Variants in FBXL18 observed in about 807,000 individuals in gnomAD.
FBXL18 encodes the protein F-box and leucine rich repeat protein 18.
FBXL18 carries 36 observed loss-of-function variants against 46.0 expected under a neutral mutation model. The observed-to-expected ratio is 0.78, with a 90% confidence interval of 0.60 to 1.03. FBXL18 has a LOEUF of 1.03. FBXL18 is among the 50% of genes least tolerant of loss of function. The pLI is 0.00. For missense variants in FBXL18, 977 were observed against 1,004.1 expected (o/e 0.97, Z 0.36); for synonymous variants, 557 against 465.3 (o/e 1.20, Z -2.54).
intron 1 of FBXL18, among the ~76,000 whole-genome samples, chr7:5,509,524 G>A (rs1784475683): frequency 6.6e-6 from 1 of 151,472 alleles, no homozygotes; most frequent in African/African-American, 2.4e-5. Context: ...GAAACCCCAT[G>A]TCTACTAAAA....
chr7:5,503,210 A>G (rs897967876), intron 2 of FBXL18, among the ~76,000 whole-genome samples: 2 of 152,198 alleles, frequency 1.3e-5, no homozygotes, highest in African/African-American at 2.4e-5. Context: ...GCGAGACCCC[A>G]TATCTACCAA....
chr7:5,513,667 C>T lies in FBXL18; in HGVS notation c.8G>A (p.Ser3Asn), dbSNP rs1326563317. 6.2e-7 allele frequency: 1 copy of T among 1,609,806 alleles called. No individual in the cohort carries two copies. Among genetic ancestry groups the T allele is most frequent in the South Asian group, 1.1e-5 (1 of 90,506 alleles). The change falls in exon 1 of 5, where the codon AGC becomes AAC. Residue 3 changes from serine (S) to asparagine (N), a missense_variant. Physicochemically the swap from Ser to Asn is conservative, Grantham distance 46. Coordinates refer to ENST00000382368, the MANE Select transcript of FBXL18 (RefSeq NM_024963.6). Reference protein sequence around the residue: MASSGEDISNDDD... With the variant: MANSGEDISNDDD... ...AGTCGCGGACAGTACCTCTCCGGAG[C>T]TGGCCATGTCGCCGGCGGGTCCGAA... is the stretch of plus-strand genomic sequence containing the variant.
rs1562672288 is a variant in FBXL18, at chr7:5,463,728, A to ATTTATTTT, written c.2001-15886_2001-15885insAAAATAAA. ...TATTTATTTATTTATTTATTTATTT[A>ATTTATTTT]TTTTTTTTTTTTTTTTTTTTTTTTT... On this transcript the variant is annotated intron_variant and NMD_transcript_variant, in intron 4 of 6. Transcript: ENST00000415009. 3.3e-3 allele frequency among the ~76,000 whole-genome samples: 177 copies of ATTTATTTT among 52,988 alleles called. 1 individual carries two copies. Among genetic ancestry groups the ATTTATTTT allele is most frequent in the Non-Finnish European group, 4.3e-3 (129 of 30,036 alleles). The allele number at this position is 52,988 out of a possible 152,430, so 34.8% of individuals were successfully genotyped here.
intron 4 of FBXL18, among the ~76,000 whole-genome samples, chr7:5,485,232 T>C (rs1188545964): frequency 6.6e-6 from 1 of 152,110 alleles, no homozygotes; most frequent in Non-Finnish European, 1.5e-5. Flanking sequence ...GGTGCCACTC[T>C]AGAGTAGTGT....
chr7:5,458,640 TGAGCCAA>T (rs1210402753), intron 4 of FBXL18, among the ~76,000 whole-genome samples: 4 of 151,056 alleles, frequency 2.6e-5, no homozygotes, highest in Non-Finnish European at 5.9e-5. Context: ...GAGGTTGCAG[TGAGCCAA>T]GATTGCGCCA....
intron 4 of FBXL18, among the ~76,000 whole-genome samples, chr7:5,485,780 G>T (rs898851652): frequency 6.6e-6 from 1 of 152,016 alleles, no homozygotes; most frequent in Non-Finnish European, 1.5e-5. Context: ...GGCCGGGCGC[G>T]GTGGCTCAAG....
intron 4 of FBXL18, among the ~76,000 whole-genome samples, chr7:5,460,800 C>T (rs542088743): frequency 3.9e-5 from 6 of 152,314 alleles, no homozygotes; most frequent in African/African-American, 1.4e-4. Context: ...CCCGGGCCTC[C>T]ATCCCAAGCC....
chr7:5,513,722 C>T lies in FBXL18; in HGVS notation c.-48G>A, dbSNP rs1194439055. 6.3e-7 allele frequency: 1 copy of T among 1,586,166 alleles called. No homozygotes were observed. Among genetic ancestry groups the T allele is most frequent in the Non-Finnish European group, 8.6e-7 (1 of 1,166,894 alleles). The stretch of plus-strand genomic sequence containing the variant: ...GGCCGCGGGATCCGCAACCCCGTGC[C>T]TCCCACCTGCCCGGCTAGGGATGCT... On this transcript the variant is annotated 5_prime_UTR_variant, in exon 1 of 5. Coordinates refer to ENST00000382368, the MANE Select transcript of FBXL18 (RefSeq NM_024963.6).
chr7:5,500,038 T>G (rs4075746), intron 3 of FBXL18, among the ~76,000 whole-genome samples: 140,191 of 151,234 alleles, frequency 0.93, 65,079 homozygotes, highest in African/African-American at 0.97. Context: ...GCACTCCAGC[T>G]TGGATGACAG....
At chr7:5,464,644 A>C (rs6463482) in intron 4 of FBXL18, among the ~76,000 whole-genome samples, 112,255 of 120,440 alleles carry the variant, frequency 0.93, 52,432 homozygotes, top group African/African-American at 0.98. Context: ...GCCTGGGCCA[A>C]TGAGCAAAAC....
intron 2 of FBXL18, among the ~76,000 whole-genome samples, chr7:5,502,930 A>C (rs1784304003): frequency 6.6e-6 from 1 of 152,152 alleles, no homozygotes; most frequent in African/African-American, 2.4e-5. Context: ...ACAGACCCAA[A>C]GGAACTGAAA....
Position 5,505,576 on chromosome 7 carries a change from C to G in FBXL18, c.73G>C (p.Gly25Arg). Residue 25 changes from glycine to arginine, a missense_variant, in exon 2 of 5, where the codon GGG (glycine) becomes CGG (arginine). By Grantham distance (125) the Gly-to-Arg change is moderately radical. Transcript: ENST00000382368. Reference protein sequence around the residue: ...MHPAAAGMADGVHLLGFSDEI... With the variant: ...MHPAAAGMADRVHLLGFSDEI... ...TCAGAGAACCCTAGGAGGTGGACCCCGTCTGCCATCCCGGCTGCTGCAGGG... is the reference window on the plus strand; with the variant it reads ...TCAGAGAACCCTAGGAGGTGGACCCGGTCTGCCATCCCGGCTGCTGCAGGG... The G allele has an allele frequency of 6.2e-7, 1 of 1,614,004 alleles. No individual in the cohort carries two copies. The highest frequency in any genetic ancestry group is 8.5e-7 in the Non-Finnish European group (1 of 1,179,974).
chr7:5,465,149 G>C (rs188889481), intron 4 of FBXL18, among the ~76,000 whole-genome samples: 3 of 152,094 alleles, frequency 2.0e-5, no homozygotes, highest in African/African-American at 7.2e-5. Flanking sequence ...TTCTCTCTGG[G>C]ATCAATAGAC....
chr7:5,471,017 G>A (rs1403349164), downstream of FBXL18, among the ~76,000 whole-genome samples: 7 of 152,254 alleles, frequency 4.6e-5, no homozygotes, highest in East Asian at 7.7e-4. Flanking sequence ...CTCTGTGACT[G>A]TGCGACACGC....
At chr7:5,466,991 C>A (rs997460951) in intron 4 of FBXL18, among the ~76,000 whole-genome samples, 3 of 152,124 alleles carry the variant, frequency 2.0e-5, no homozygotes, top group Non-Finnish European at 1.5e-5. Flanking sequence ...CCGAGGCAGG[C>A]GGATCACCTG....
intron 1 of FBXL18, among the ~76,000 whole-genome samples, chr7:5,506,128 G>T (rs2346232): frequency 6.6e-6 from 1 of 151,862 alleles, no homozygotes; most frequent in Non-Finnish European, 1.5e-5. Flanking sequence ...CCTCCCAAAG[G>T]GTGTTTTGTT....
At chr7:5,508,129 G>C (rs1215783580) in intron 1 of FBXL18, among the ~76,000 whole-genome samples, 1 of 152,084 alleles carries the variant, frequency 6.6e-6, no homozygotes, top group East Asian at 1.9e-4. Context: ...AGCCAGGCGT[G>C]GTGGCATATG....
At chr7:5,460,550 T>A (rs1376779645) in intron 4 of FBXL18, among the ~76,000 whole-genome samples, 2 of 152,178 alleles carry the variant, frequency 1.3e-5, no homozygotes, top group African/African-American at 4.8e-5. Flanking sequence ...GCCTTCTGGG[T>A]TCAAGTGATT....
intron 4 of FBXL18, among the ~76,000 whole-genome samples, chr7:5,463,694 C>CTATATATATATATATATATATATA (rs1439946097): frequency 1.6e-5 from 1 of 61,502 alleles, no homozygotes; most frequent in African/African-American, 8.2e-5. Flanking sequence ...TGCCCCTGAA[C>CTATATATATATATATATATATATA]TATATATATA....
Sources: gnomAD v4.1 joint callset for allele counts (sites outside exome capture counted in the v4.1 genomes callset) on GRCh38, gnomAD v4.1.1 for gene constraint, MANE v1.5 for transcripts, NCBI Gene and HGNC (gene_info 2026-07-23, HGNC 2026-07-21) for gene names.